ATP10A: variants seen among roughly 807,000 people sequenced by gnomAD.
ATP10A encodes phospholipid-transporting ATPase VA.
A neutral mutation model predicts 147.8 loss-of-function variants in ATP10A; 111 were observed. That is an observed-to-expected ratio of 0.75 (90% CI 0.64 to 0.88). The LOEUF is 0.88. Ranked by LOEUF, ATP10A falls within the 40% of genes least tolerant of loss-of-function variation. The probability of loss-of-function intolerance (pLI) is 0.00; values close to 1 mark genes in which losing one functional copy is unlikely to be tolerated. For missense variants in ATP10A, 1,927 were observed against 1,959.0 expected, an observed-to-expected ratio of 0.98 and a Z score of 0.31; for synonymous variants, 875 against 841.6, an observed-to-expected ratio of 1.04 and a Z score of -0.69.
At chr15:25,786,792 G>GCTTTT (rs1555469794) in intron 1 of ATP10A, among the ~76,000 whole-genome samples, 1 of 135,298 alleles carries the variant, frequency 7.4e-6, no homozygotes, top group Non-Finnish European at 1.6e-5. Context: ...TGCCCAGCTA[G>GCTTTT]TTTTTTTTTT....
chr15:25,694,971 A>C lies in ATP10A; in HGVS notation c.2936T>G (p.Leu979Arg). The change falls in exon 14 of 21, where the codon CTG (leucine) becomes CGG (arginine). Residue 979 changes from leucine (L) to arginine (R), a missense_variant. Leu to Arg is a moderately radical substitution (Grantham distance 102). Coordinates refer to ENST00000555815, the MANE Select transcript of ATP10A (RefSeq NM_024490.4). ...CAGGTTTTTCTCGAGAGCGTAGGCC[A>C]GGCTTCTCCCATCGATCACGAGGCT... ...RPSLVIDGRS[L>R]AYALEKNLED... is the part of the protein sequence containing the mutation. The C allele has an allele frequency of 1.2e-6, 2 of 1,614,198 alleles. No individual in the cohort carries two copies. The highest frequency in any genetic ancestry group is 1.7e-6 in the Non-Finnish European group (2 of 1,180,034).
chr15:25,813,715 T>C (rs1443637829), intron 1 of ATP10A, among the ~76,000 whole-genome samples: 1 of 152,208 alleles, frequency 6.6e-6, no homozygotes, highest in African/African-American at 2.4e-5. Context: ...CAAATTGAAC[T>C]TCTAGAGTTG....
Position 25,679,611 on chromosome 15 carries a change from A to G in ATP10A, c.4230T>C (p.Pro1410=), listed in dbSNP as rs761721344. 12 of 1,612,302 alleles carry G rather than the reference A, an allele frequency of 7.4e-6. No homozygotes were observed. Among genetic ancestry groups the G allele is most frequent in the Non-Finnish European group, 1.0e-5 (12 of 1,179,072 alleles). The part of the protein sequence containing the change: ...EAVLRSPGGC[P]EESKVRAAST... ...TGGCAGCTCTCACCTTGGACTCCTC[A>G]GGACACCCTCCTGGACTCCTCAGGA... is the stretch of plus-strand genomic sequence containing the variant. The change falls in exon 21 of 21, where the codon CCT becomes CCC. Residue 1410 remains proline (P), a synonymous_variant. Transcript: ENST00000555815.
chr15:25,792,783 G>A (rs1046276615), intron 1 of ATP10A, among the ~76,000 whole-genome samples: 3 of 151,876 alleles, frequency 2.0e-5, no homozygotes, highest in Admixed American at 6.6e-5. Flanking sequence ...GCCAGGGCAG[G>A]GCTCTCATCG....
At chr15:25,806,418 T>C (rs1190126005) in intron 1 of ATP10A, among the ~76,000 whole-genome samples, 1 of 152,100 alleles carries the variant, frequency 6.6e-6, no homozygotes, top group Non-Finnish European at 1.5e-5. Context: ...GTTCACGCCA[T>C]TCTCCTGCCT....
At chr15:25,795,876 G>A (rs1309307185) in intron 1 of ATP10A, among the ~76,000 whole-genome samples, 1 of 152,034 alleles carries the variant, frequency 6.6e-6, no homozygotes, top group East Asian at 1.9e-4. Context: ...GGGGATGTGC[G>A]AGAGTTCTGG....
chr15:25,731,980 T>A (rs533631529), intron 3 of ATP10A, among the ~76,000 whole-genome samples: 1 of 152,166 alleles, frequency 6.6e-6, no homozygotes, highest in African/African-American at 2.4e-5. Context: ...CTCAACCTCC[T>A]GAGTTTCTGT....
chr15:25,760,295 G>A (rs991802952), intron 2 of ATP10A, among the ~76,000 whole-genome samples: 5 of 152,124 alleles, frequency 3.3e-5, no homozygotes, highest in African/African-American at 7.2e-5. Flanking sequence ...TTTAGCCTTC[G>A]AGTGACAGTT....
rs1899264546 is a variant in ATP10A at position 25,679,613 on chromosome 15, G to A, written c.4228C>T (p.Pro1410Ser). The part of the protein sequence containing the change: ...EAVLRSPGGC[P>S]EESKVRAAST... Reference sequence around the variant, plus strand: ...GCAGCTCTCACCTTGGACTCCTCAGGACACCCTCCTGGACTCCTCAGGACA... The same window carrying A: ...GCAGCTCTCACCTTGGACTCCTCAGAACACCCTCCTGGACTCCTCAGGACA... The change falls in exon 21 of 21, where the codon CCT becomes TCT. Residue 1410 changes from proline (P) to serine (S), a missense_variant. Physicochemically the swap from Pro to Ser is moderately conservative, Grantham distance 74. Coordinates refer to ENST00000555815, the MANE Select transcript of ATP10A (RefSeq NM_024490.4). 6.2e-7 allele frequency: 1 copy of A among 1,612,396 alleles called. No homozygotes were observed. Among genetic ancestry groups the A allele is most frequent in the African/African-American group, 1.3e-5 (1 of 75,004 alleles).
chr15:25,680,357 C>A, intron 19 of ATP10A, 49 bp from the exon 20 acceptor site: 1 of 1,566,182 alleles, frequency 6.4e-7, no homozygotes, highest in South Asian at 1.1e-5. Context: ...CTAAAAGTGA[C>A]AACAATGACA....
At chr15:25,832,922 T>C (rs1892423660) in intron 1 of ATP10A, among the ~76,000 whole-genome samples, 1 of 152,166 alleles carries the variant, frequency 6.6e-6, no homozygotes, top group Non-Finnish European at 1.5e-5. Context: ...TATCACTCTG[T>C]GCTCCACAAA....
downstream of ATP10A, among the ~76,000 whole-genome samples, chr15:25,676,967 T>C (rs1899150036): frequency 6.6e-6 from 1 of 152,208 alleles, no homozygotes; most frequent in Admixed American, 6.5e-5. Flanking sequence ...CATTCTTTGA[T>C]TCTTCAAACA....
rs1260151022 is a variant in ATP10A at position 25,690,863 on chromosome 15, T to A, written c.3165+852A>T. On this transcript the variant is annotated intron_variant, in intron 15 of 20. Coordinates refer to ENST00000555815, the MANE Select transcript of ATP10A (RefSeq NM_024490.4). Reference sequence around the variant, plus strand: ...ACGTAACACGGAGATTCCAGTCAGATGACGGCGGGGGGAGTAAGGCAAGTG... The same window carrying A: ...ACGTAACACGGAGATTCCAGTCAGAAGACGGCGGGGGGAGTAAGGCAAGTG... 2.0e-5 allele frequency among the ~76,000 whole-genome samples: 3 copies of A among 152,198 alleles called. No homozygotes were observed. In the East Asian group the frequency reaches 5.8e-4, roughly 29 times the overall value.
chr15:25,683,217 C>T (rs1319677356), intron 17 of ATP10A, 69 bp downstream of exon 17: 2 of 1,459,316 alleles, frequency 1.4e-6, no homozygotes, highest in Admixed American at 3.5e-5. Context: ...GGGGGACTGG[C>T]ACTTTGGAAG....
At chr15:25,717,714 G>C (rs902686110) in intron 8 of ATP10A, among the ~76,000 whole-genome samples, 9 of 133,332 alleles carry the variant, frequency 6.8e-5, no homozygotes, top group African/African-American at 2.0e-4. Context: ...GAAGTGAAAG[G>C]CTCTTTCAGA....
intron 1 of ATP10A, among the ~76,000 whole-genome samples, chr15:25,821,411 C>A (rs8041386): frequency 3.7e-3 from 237 of 64,680 alleles, no homozygotes; most frequent in African/African-American, 0.025. Context: ...AAAAAAAAAA[C>A]AAACAAAAAA....
rs780532261 is a variant in ATP10A, at chr15:25,680,196, G to A, written c.3791C>T (p.Thr1264Ile). 6.2e-7 allele frequency: 1 copy of A among 1,614,152 alleles called. No homozygotes were observed. Among genetic ancestry groups the A allele is most frequent in the Non-Finnish European group, 8.5e-7 (1 of 1,180,024 alleles). ...TGGGTCACCCAGTAAGGCTTGCATAGTCCAGTAAGGGTTGGACGGAGGATA... is the reference window on the plus strand; with the variant it reads ...TGGGTCACCCAGTAAGGCTTGCATAATCCAGTAAGGGTTGGACGGAGGATA... ...TCYPPSNPYW[T>I]MQALLGDPVF... The change falls in exon 20 of 21, where the codon ACT becomes ATT. Residue 1264 changes from threonine to isoleucine, a missense_variant. By Grantham distance (89) the Thr-to-Ile change is moderately conservative. Coordinates refer to ENST00000555815, the MANE Select transcript of ATP10A (RefSeq NM_024490.4).
chr15:25,854,950 T>C (rs920088925), intron 1 of ATP10A, among the ~76,000 whole-genome samples: 3 of 151,280 alleles, frequency 2.0e-5, no homozygotes, highest in African/African-American at 7.3e-5. Flanking sequence ...ATCCCAGCTA[T>C]TCGGAGGCTG....
Position 25,695,045 on chromosome 15 carries a change from G to A in ATP10A, c.2862C>T (p.Phe954=). The A allele has an allele frequency of 6.2e-7, 1 of 1,614,206 alleles. No homozygotes were observed. The highest frequency in any genetic ancestry group is 2.2e-5 in the East Asian group (1 of 44,868). Residue 954 remains phenylalanine, a synonymous_variant, in exon 14 of 21, where the codon TTC becomes TTT. Coordinates refer to ENST00000555815, the MANE Select transcript of ATP10A (RefSeq NM_024490.4). ...ACGTGGAGGGTGGGCAGAGAGAGGA[G>A]AACCTCATGCTCACTTTGCCCTTGG... ...EKTKGKVSMR[F]SSLCPPSTST...
Sources: gnomAD v4.1 joint callset for allele counts (sites outside exome capture counted in the v4.1 genomes callset) on GRCh38, gnomAD v4.1.1 for gene constraint, MANE v1.5 for transcripts, NCBI Gene and HGNC (gene_info 2026-07-23, HGNC 2026-07-21) for gene names.